Variants in DLGAP2 observed in about 807,000 individuals in gnomAD.
The protein encoded by DLGAP2 is DLG associated protein 2.
A neutral mutation model predicts 100.3 loss-of-function variants in DLGAP2; 26 were observed. The observed-to-expected ratio is 0.26, with a 90% CI of 0.19 to 0.36. The LOEUF (loss-of-function observed/expected upper bound fraction) is 0.36. Among genes scored for constraint, DLGAP2 ranks in the 10% least tolerant of loss-of-function variants. DLGAP2 has a pLI of 1.00. For synonymous variants in DLGAP2, 886 were observed against 630.1 expected, an observed-to-expected ratio of 1.41 and a Z score of -6.08; for missense variants, 1,858 against 1,453.2, an observed-to-expected ratio of 1.28 and a Z score of -4.53.
At chr8:1,232,365 C>T (rs1798554464) in intron 2 of DLGAP2, among the ~76,000 whole-genome samples, 1 of 152,250 alleles carries the variant, frequency 6.6e-6, no homozygotes, top group African/African-American at 2.4e-5. Context: ...TTGGGGCCAA[C>T]ATGAGCAGTC....
chr8:1,140,099 G>T (rs192020017), intron 2 of DLGAP2, among the ~76,000 whole-genome samples: 179 of 152,290 alleles, frequency 1.2e-3, no homozygotes, highest in Non-Finnish European at 2.0e-3. Flanking sequence ...CCAGTAAGAA[G>T]AATCATCTCC....
chr8:1,585,791 A>T (rs762062105), intron 6 of DLGAP2, among the ~76,000 whole-genome samples: 18 of 152,214 alleles, frequency 1.2e-4, no homozygotes, highest in Non-Finnish European at 2.4e-4. Context: ...TATTAAACTG[A>T]TGCTTAAACT....
Position 915,028 on chromosome 8 carries a change from A to G in DLGAP2, c.73+7062A>G, listed in dbSNP as rs150782950. On this transcript the variant is annotated intron_variant, in intron 2 of 14. Transcript: ENST00000637795. ...CCATCCTGTAACTTTGTGTGTAACTATCGACACAGGGCACACTGCCACAGG... is the reference window on the plus strand; with the variant it reads ...CCATCCTGTAACTTTGTGTGTAACTGTCGACACAGGGCACACTGCCACAGG... 6.2e-3 allele frequency among the ~76,000 whole-genome samples: 944 copies of G among 152,320 alleles called. 5 individuals are homozygous for G. Among genetic ancestry groups the G allele is most frequent in the African/African-American group, 0.014 (566 of 41,572 alleles).
intron 3 of DLGAP2, among the ~76,000 whole-genome samples, chr8:1,488,144 C>T (rs1799277822): frequency 6.6e-6 from 1 of 152,166 alleles, no homozygotes. Flanking sequence ...GTTGAACAGC[C>T]AGGTGGGAGG....
At chr8:1,664,414 C>T (rs996016307) in intron 8 of DLGAP2, among the ~76,000 whole-genome samples, 1 of 152,152 alleles carries the variant, frequency 6.6e-6, no homozygotes, top group African/African-American at 2.4e-5. Flanking sequence ...TCTCTCTGGG[C>T]ATCCCTAGTC....
rs1302486949 is a variant in DLGAP2 at position 1,134,558 on chromosome 8, A to T, written c.74-124293A>T. On this transcript the variant is annotated intron_variant, in intron 2 of 14. Transcript: ENST00000637795. ...TTAATTAATGATAGAACTTACATTA[A>T]TCATATTAATAATGTAAGCAATGTA... 5.3e-5 allele frequency among the ~76,000 whole-genome samples: 8 copies of T among 152,302 alleles called. No individual in the cohort carries two copies. The East Asian group carries it at 1.5e-3, about 29-fold the overall frequency.
chr8:1,472,927 A>G (rs112024887), intron 3 of DLGAP2, among the ~76,000 whole-genome samples: 20 of 152,188 alleles, frequency 1.3e-4, no homozygotes, highest in African/African-American at 4.8e-4. Context: ...TGTCCTCACA[A>G]TATAATTCAC....
intron 2 of DLGAP2, among the ~76,000 whole-genome samples, chr8:1,187,849 A>G (rs1435843837): frequency 8.8e-6 from 1 of 113,626 alleles, no homozygotes; most frequent in Non-Finnish European, 1.6e-5. Flanking sequence ...ACGGAATCTC[A>G]CACACCCGGG....
intron 2 of DLGAP2, among the ~76,000 whole-genome samples, chr8:1,065,581 A>G (rs1803219716): frequency 6.6e-6 from 1 of 152,172 alleles, no homozygotes; most frequent in African/African-American, 2.4e-5. Flanking sequence ...TGCCTTAAGA[A>G]TGACATTGTT....
intron 7 of DLGAP2, among the ~76,000 whole-genome samples, chr8:1,629,923 T>G (rs1024141883): frequency 6.6e-6 from 1 of 152,214 alleles, no homozygotes; most frequent in African/African-American, 2.4e-5. Context: ...TTGCTTTTGA[T>G]GAACCCAAGA....
At chr8:1,205,551 T>C (rs1797971968) in intron 2 of DLGAP2, among the ~76,000 whole-genome samples, 1 of 152,144 alleles carries the variant, frequency 6.6e-6, no homozygotes, top group Non-Finnish European at 1.5e-5. Context: ...CGTCTGCTCT[T>C]AGGAAGCACC....
intron 8 of DLGAP2, among the ~76,000 whole-genome samples, chr8:1,657,915 G>T (rs1798320118): frequency 6.6e-6 from 1 of 152,120 alleles, no homozygotes; most frequent in Admixed American, 6.5e-5. Context: ...ATGGTTTTAG[G>T]GGGCGAAAAG....
At chr8:1,612,804 C>G (rs1236698889) in intron 6 of DLGAP2, among the ~76,000 whole-genome samples, 1 of 105,598 alleles carries the variant, frequency 9.5e-6, no homozygotes, top group Non-Finnish European at 1.9e-5. Context: ...CTCATCATCA[C>G]TGGCCATCAG....
At chr8:1,266,825 C>G (rs147915877) in intron 3 of DLGAP2, among the ~76,000 whole-genome samples, 1 of 152,248 alleles carries the variant, frequency 6.6e-6, no homozygotes, top group African/African-American at 2.4e-5. Flanking sequence ...TACATGCCCT[C>G]TCCCCATTGT....
At chr8:1,444,039 C>A (rs1477727402) in intron 3 of DLGAP2, among the ~76,000 whole-genome samples, 1 of 152,138 alleles carries the variant, frequency 6.6e-6, no homozygotes, top group African/African-American at 2.4e-5. Context: ...TGTACTCATG[C>A]TGAATATGTG....
At chr8:1,163,096 G>A (rs1004341615) in intron 2 of DLGAP2, among the ~76,000 whole-genome samples, 6 of 152,212 alleles carry the variant, frequency 3.9e-5, no homozygotes, top group African/African-American at 1.4e-4. Flanking sequence ...CGGGGCTGCG[G>A]CGTGTTGGGG....
intron 3 of DLGAP2, among the ~76,000 whole-genome samples, chr8:1,266,447 C>T (rs1052136283): frequency 6.6e-6 from 1 of 152,212 alleles, no homozygotes; most frequent in Non-Finnish European, 1.5e-5. Context: ...AAGAATCCCT[C>T]TCCCCATCAA....
At chr8:1,207,128 G>A (rs930038802) in intron 2 of DLGAP2, among the ~76,000 whole-genome samples, 2 of 152,148 alleles carry the variant, frequency 1.3e-5, no homozygotes, top group African/African-American at 4.8e-5. Flanking sequence ...GGAACAGGTG[G>A]TGTTTGGTTA....
chr8:832,726 C>G (rs753193275), intron 1 of DLGAP2, among the ~76,000 whole-genome samples: 26 of 152,202 alleles, frequency 1.7e-4, no homozygotes, highest in Non-Finnish European at 3.5e-4. Flanking sequence ...GTGAGCACAA[C>G]TGTGTTTGTG....
Sources: allele counts gnomAD v4.1 joint callset (sites outside exome capture counted in the v4.1 genomes callset), GRCh38; gene constraint gnomAD v4.1.1; transcripts MANE v1.5; gene names NCBI Gene and HGNC (gene_info 2026-07-23, HGNC 2026-07-21).